WWTR1: variants seen among roughly 807,000 people sequenced by gnomAD.
WWTR1 encodes the protein WW domain containing transcription regulator 1.
A neutral mutation model predicts 40.1 loss-of-function variants in WWTR1; 13 were observed. The ratio of observed to expected loss-of-function variants is 0.32; its 90% CI spans 0.21 to 0.52. The LOEUF is 0.52. Ranked by LOEUF, WWTR1 falls within the 20% of genes least tolerant of loss-of-function variation. WWTR1 has a pLI of 0.97. For synonymous variants in WWTR1, 230 were observed against 210.1 expected (o/e 1.09, Z -0.82); for missense variants, 436 against 523.1 (o/e 0.83, Z 1.63).
intron 2 of WWTR1, among the ~76,000 whole-genome samples, chr3:149,602,095 T>C (rs1377787697): frequency 6.6e-6 from 1 of 152,160 alleles, no homozygotes; most frequent in Non-Finnish European, 1.5e-5. Flanking sequence ...CTAGAAAAAC[T>C]ACCAATATGC....
intron 1 of WWTR1, among the ~76,000 whole-genome samples, chr3:149,674,398 C>T (rs912187547): frequency 6.6e-6 from 1 of 151,834 alleles, no homozygotes; most frequent in African/African-American, 2.4e-5. Context: ...ACCAGCCTGG[C>T]CAATATGGTG....
At chr3:149,649,671 C>T (rs1470629637) in intron 2 of WWTR1, among the ~76,000 whole-genome samples, 1 of 152,174 alleles carries the variant, frequency 6.6e-6, no homozygotes, top group South Asian at 2.1e-4. Context: ...AATCCCAACA[C>T]TTTGGGATGC....
intron 2 of WWTR1, among the ~76,000 whole-genome samples, chr3:149,585,121 CGTGTGTGTGTGT>C (rs61655468): frequency 3.5e-5 from 5 of 144,314 alleles, no homozygotes; most frequent in Non-Finnish European, 6.1e-5. Flanking sequence ...TGATTTCTTT[CGTGTGTGTGTGT>C]GTGTGTGTGT....
chr3:149,682,664 T>A (rs1308263656), intron 1 of WWTR1, among the ~76,000 whole-genome samples: 1 of 152,192 alleles, frequency 6.6e-6, no homozygotes, highest in African/African-American at 2.4e-5. Context: ...CTGTTATTAG[T>A]GTTTCTGTCT....
chr3:149,657,421 C>A, intron 1 of WWTR1, 112 bp from the exon 2 acceptor site: 2 of 1,277,138 alleles, frequency 1.6e-6, no homozygotes, highest in South Asian at 1.6e-5. Flanking sequence ...GAAAAGGAAA[C>A]GAGGAGACAG....
Position 149,656,897 on chromosome 3 carries a change from G to A in WWTR1, c.410C>T (p.Thr137Ile). ...PPGWEMTFTA[T>I]GQRYFLNHIE... ...TTACTTGAGGAAGTACCTCTGGCCA[G>A]TGGCCGTGAAGGTCATCTCCCAGCC... is the stretch of plus-strand genomic sequence containing the variant. The change falls in exon 2 of 7, where the codon ACT (threonine) becomes ATT (isoleucine). Residue 137 changes from threonine (T) to isoleucine (I), a missense_variant. Transcript: ENST00000360632. 6.5e-7 allele frequency: 1 copy of A among 1,535,724 alleles called. No homozygotes were observed. Among genetic ancestry groups the A allele is most frequent in the Non-Finnish European group, 8.7e-7 (1 of 1,148,210 alleles).
At chr3:149,540,426 G>C (rs1736039672) in intron 4 of WWTR1, among the ~76,000 whole-genome samples, 1 of 152,054 alleles carries the variant, frequency 6.6e-6, no homozygotes, top group Admixed American at 6.6e-5. Context: ...AAGAGAAAGA[G>C]AAACACACCC....
At chr3:149,592,131 G>C (rs1738756167) in intron 2 of WWTR1, among the ~76,000 whole-genome samples, 1 of 151,978 alleles carries the variant, frequency 6.6e-6, no homozygotes, top group Non-Finnish European at 1.5e-5. Flanking sequence ...CACCCAAAAG[G>C]GTTCTGTTAT....
In WWTR1 at chr3:149,636,966, G is replaced by GAAAAAAA. The variant is rs397950107; in HGVS notation, c.431+19903_431+19909dup. ...GCGACAGAGCAAGACTGTCTCAAGT[G>GAAAAAAA]AAAAAAAAAAAAAAAAAAAAAAAAG... On this transcript the variant is annotated intron_variant, in intron 2 of 6. Coordinates refer to ENST00000360632, the MANE Select transcript of WWTR1 (RefSeq NM_015472.6). Among the ~76,000 whole-genome samples the GAAAAAAA allele has an allele frequency of 8.5e-4, 37 of 43,308 alleles. 1 individual carries two copies. The highest frequency in any genetic ancestry group is 3.0e-3 in the African/African-American group (31 of 10,316). The allele number at this position is 43,308 out of a possible 152,430, so 28.4% of individuals were successfully genotyped here. A position where few individuals can be genotyped will look rare whatever the true frequency, so the allele number is the denominator to read the frequency against.
At chr3:149,552,145 TC>T (rs1188123673) in intron 3 of WWTR1, among the ~76,000 whole-genome samples, 2 of 145,348 alleles carry the variant, frequency 1.4e-5, no homozygotes, top group African/African-American at 2.6e-5. Context: ...ACTATTCTCT[TC>T]CTGTGATTTG....
chr3:149,589,378 T>C (rs926818308), intron 2 of WWTR1, among the ~76,000 whole-genome samples: 1 of 152,314 alleles, frequency 6.6e-6, no homozygotes, highest in Non-Finnish European at 1.5e-5. Flanking sequence ...GGAAGAAACC[T>C]ACTCTTGCAG....
At position 149,527,843 on chromosome 3, in the gene WWTR1, G is replaced by T; in HGVS notation, c.898C>A (p.Leu300Ile). Residue 300 changes from leucine to isoleucine, a missense_variant, in exon 5 of 7, where the codon CTC becomes ATC. Transcript: ENST00000360632. ...CCCCAAATATTAACTTACCCATTGAGGAAAGGATCTGAGCTATTATTAGTG... is the reference window on the plus strand; with the variant it reads ...CCCCAAATATTAACTTACCCATTGATGAAAGGATCTGAGCTATTATTAGTG... ...SITNNSSDPF[L>I]NGGPYHSREQ... The T allele has an allele frequency of 6.2e-7, 1 of 1,614,054 alleles. No homozygotes were observed. The highest frequency in any genetic ancestry group is 8.5e-7 in the Non-Finnish European group (1 of 1,179,998).
chr3:149,705,177 T>C (rs1715300918), upstream of WWTR1, among the ~76,000 whole-genome samples: 1 of 152,078 alleles, frequency 6.6e-6, no homozygotes, highest in Admixed American at 6.5e-5. Flanking sequence ...AGGTACAATA[T>C]TTCAATAAAC....
At chr3:149,671,142 C>T (rs1006782005) in intron 1 of WWTR1, among the ~76,000 whole-genome samples, 61 of 152,040 alleles carry the variant, frequency 4.0e-4, no homozygotes, top group African/African-American at 1.3e-3. Flanking sequence ...ACTCATGAAT[C>T]CTCAGAACCA....
chr3:149,526,850 T>C (rs1735342284), intron 5 of WWTR1, among the ~76,000 whole-genome samples: 2 of 152,244 alleles, frequency 1.3e-5, no homozygotes, highest in South Asian at 2.1e-4. Context: ...AAATACAGAA[T>C]TGCCCTTTTT....
chr3:149,536,005 T>C (rs1322001040), intron 4 of WWTR1, among the ~76,000 whole-genome samples: 5 of 152,094 alleles, frequency 3.3e-5, no homozygotes. Flanking sequence ...GAAGTGAGAC[T>C]GTGTCTCAAA....
chr3:149,571,603 C>T (rs189994854), intron 3 of WWTR1, among the ~76,000 whole-genome samples: 4 of 152,164 alleles, frequency 2.6e-5, no homozygotes, highest in Non-Finnish European at 4.4e-5. Flanking sequence ...GTTCAGACTT[C>T]CTGGAAGAAC....
In WWTR1 at chr3:149,594,111, T is replaced by A. The variant is rs1438174876; in HGVS notation, c.432-21111A>T. On this transcript the variant is annotated intron_variant, in intron 2 of 6. Transcript: ENST00000360632. Reference sequence around the variant, plus strand: ...GGTTTGTATACTGTTCTACAAAAATTCTACTTCATTTCTTAAAGTAATCAA... The same window carrying A: ...GGTTTGTATACTGTTCTACAAAAATACTACTTCATTTCTTAAAGTAATCAA... 2.6e-5 allele frequency among the ~76,000 whole-genome samples: 4 copies of A among 152,356 alleles called. No individual in the cohort carries two copies. In the East Asian group the frequency reaches 7.7e-4, roughly 29 times the overall value.
At chr3:149,530,781 G>A (rs1735535866) in intron 4 of WWTR1, among the ~76,000 whole-genome samples, 1 of 152,128 alleles carries the variant, frequency 6.6e-6, no homozygotes, top group Admixed American at 6.6e-5. Flanking sequence ...CAGCACTGAT[G>A]TTTCCCTAAC....
Sources: gnomAD v4.1 joint callset for allele counts (sites outside exome capture counted in the v4.1 genomes callset) on GRCh38, gnomAD v4.1.1 for gene constraint, MANE v1.5 for transcripts, NCBI Gene and HGNC (gene_info 2026-07-23, HGNC 2026-07-21) for gene names.